ANXA7: variants seen among roughly 807,000 people sequenced by gnomAD.
The protein encoded by ANXA7 is annexin VII.
Under a neutral mutation model 64.9 loss-of-function variants are expected in ANXA7, and 55 were observed. The ratio of observed to expected loss-of-function variants is 0.85; its 90% CI spans 0.68 to 1.06. ANXA7 has a LOEUF of 1.06. Among genes scored for constraint, ANXA7 ranks in the 50% least tolerant of loss-of-function variants. The probability of loss-of-function intolerance (pLI) is 0.00; values close to 1 mark genes in which losing one functional copy is unlikely to be tolerated. For synonymous variants in ANXA7, 200 were observed against 192.4 expected, an observed-to-expected ratio of 1.04 and a Z score of -0.33; for missense variants, 548 against 582.1, an observed-to-expected ratio of 0.94 and a Z score of 0.60.
chr10:73,406,468 T>C (rs2055760172), intron 1 of ANXA7, among the ~76,000 whole-genome samples: 2 of 152,228 alleles, frequency 1.3e-5, no homozygotes, highest in Admixed American at 1.3e-4. Context: ...TTCAGCAAAT[T>C]GCTCTTCAGC....
intron 2 of ANXA7, among the ~76,000 whole-genome samples, chr10:73,399,027 A>C (rs2055619494): frequency 6.6e-6 from 1 of 152,196 alleles, no homozygotes; most frequent in Non-Finnish European, 1.5e-5. Context: ...GACAAAAGTG[A>C]GATACACCAC....
At chr10:73,411,064 T>C (rs2055830957) in intron 1 of ANXA7, among the ~76,000 whole-genome samples, 1 of 151,874 alleles carries the variant, frequency 6.6e-6, no homozygotes, top group Non-Finnish European at 1.5e-5. Flanking sequence ...ATCAACTGAG[T>C]GGATAAAGAA....
At chr10:73,377,767 G>GGGGTGGGGGT (rs2055199395) in intron 12 of ANXA7, among the ~76,000 whole-genome samples, 1 of 114,228 alleles carries the variant, frequency 8.8e-6, no homozygotes, top group African/African-American at 4.5e-5. Flanking sequence ...CCGGGGGGTG[G>GGGGTGGGGGT]GTGTGGGTGT....
intron 5 of ANXA7, among the ~76,000 whole-genome samples, chr10:73,392,929 A>G (rs2055509784): frequency 6.6e-6 from 1 of 152,228 alleles, no homozygotes; most frequent in South Asian, 2.1e-4. Context: ...TTTGCAGATG[A>G]CATGATTGTA....
intron 5 of ANXA7, among the ~76,000 whole-genome samples, chr10:73,390,974 A>G (rs953044740): frequency 3.3e-5 from 5 of 150,994 alleles, no homozygotes; most frequent in Non-Finnish European, 7.4e-5. Flanking sequence ...GATTGAGACC[A>G]TCCTGGCCAA....
chr10:73,396,186 C>T, intron 5 of ANXA7: 1 of 956,570 alleles, frequency 1.0e-6, no homozygotes, highest in Non-Finnish European at 1.6e-6. Flanking sequence ...TCAGAAATAC[C>T]AATCACCCAG....
At chr10:73,382,887 C>G (rs2055297412) in intron 9 of ANXA7, among the ~76,000 whole-genome samples, 1 of 152,140 alleles carries the variant, frequency 6.6e-6, no homozygotes, top group Non-Finnish European at 1.5e-5. Context: ...GTGATAAGCT[C>G]AAATGTACAG....
intron 9 of ANXA7, among the ~76,000 whole-genome samples, chr10:73,382,330 CTTCTTTTCTTTTT>C (rs963001555): frequency 6.8e-5 from 10 of 147,224 alleles, no homozygotes; most frequent in African/African-American, 1.6e-4. Flanking sequence ...TCTAAGTGTG[CTTCTTTTCTTTTT>C]TTCTTTTCTT....
chr10:73,376,157 T>C lies in ANXA7; in HGVS notation c.1339A>G (p.Met447Val), dbSNP rs182716602. The C allele has an allele frequency of 4.3e-5, 70 of 1,610,072 alleles. No homozygotes were observed. In the East Asian group the frequency reaches 9.2e-4, roughly 21 times the overall value. ...AQMYQKTLGTMIAGDTSGDYR... is the reference protein window; with the variant it reads ...AQMYQKTLGTVIAGDTSGDYR... ...TCTCCACTCGTGTCACCTGCAATCA[T>C]TGTGCCCAGAGTCTTCTGATACATC... The change falls in exon 13 of 13, where the codon ATG (methionine) becomes GTG (valine). Residue 447 changes from methionine to valine, a missense_variant. Transcript: ENST00000372921.
intron 5 of ANXA7, among the ~76,000 whole-genome samples, chr10:73,391,255 CAGA>C (rs2055478051): frequency 1.3e-5 from 2 of 151,366 alleles, no homozygotes; most frequent in South Asian, 4.2e-4. Flanking sequence ...AATCTGCTAC[CAGA>C]AGTTCCAACC....
intron 9 of ANXA7, chr10:73,381,545 C>T (rs1455059617): frequency 6.6e-6 from 1 of 152,192 alleles, no homozygotes; most frequent in Non-Finnish European, 1.5e-5. Context: ...GAGGCACATT[C>T]TACATGGGCG....
chr10:73,396,590 T>C lies in ANXA7; in HGVS notation c.371-7A>G. The C allele has an allele frequency of 6.3e-7, 1 of 1,590,824 alleles. No individual in the cohort carries two copies. Among genetic ancestry groups the C allele is most frequent in the Non-Finnish European group, 8.6e-7 (1 of 1,163,750 alleles). On this transcript the variant is annotated splice_region_variant and splice_polypyrimidine_tract_variant and intron_variant, in intron 4 of 12. Coordinates refer to ENST00000372921, the MANE Select transcript of ANXA7 (RefSeq NM_001156.5). ...TGTCCTCCAGGAAAGCCACCTATAATGTTAAAAAAAATAATAATAATACGG... is the reference window on the plus strand; with the variant it reads ...TGTCCTCCAGGAAAGCCACCTATAACGTTAAAAAAAATAATAATAATACGG...
chr10:73,390,240 A>C (rs964430993), intron 5 of ANXA7, among the ~76,000 whole-genome samples: 1 of 152,192 alleles, frequency 6.6e-6, no homozygotes, highest in Non-Finnish European at 1.5e-5. Flanking sequence ...ATACACATTG[A>C]ATACAGCAGT....
chr10:73,413,616 C>T (rs570141456), intron 1 of ANXA7, among the ~76,000 whole-genome samples: 35 of 152,352 alleles, frequency 2.3e-4, no homozygotes, highest in Middle Eastern at 3.4e-3. Flanking sequence ...TCCCTAAATT[C>T]GCTGTGTCAC....
rs1589642464 is a variant in ANXA7 at position 73,376,030 on chromosome 10, G to A, written c.*65C>T. On this transcript the variant is annotated 3_prime_UTR_variant, in exon 13 of 13. Coordinates refer to ENST00000372921, the MANE Select transcript of ANXA7 (RefSeq NM_001156.5). ...TGATGTTTGATATTGCTGCATGCAG[G>A]TCATTGCTCTGAAGGATAAGCTATG... The A allele has an allele frequency of 7.4e-7, 1 of 1,345,624 alleles. No homozygotes were observed. The allele number at this position is 1,345,624 out of a possible 1,614,324, so 83.4% of individuals were successfully genotyped here.
rs552465749 is a variant in ANXA7 at position 73,382,869 on chromosome 10, G to C, written c.918+306C>G. Among the ~76,000 whole-genome samples the C allele has an allele frequency of 4.9e-4, 75 of 152,220 alleles. 3 individuals are homozygous for C. The highest frequency in any genetic ancestry group is 1.0e-3 in the South Asian group (5 of 4,814). On this transcript the variant is annotated intron_variant, in intron 9 of 12. Transcript: ENST00000372921. Reference sequence around the variant, plus strand: ...TTCACTTGATGGTGGGGCATAATGGGCAGGATAGTGATAAGCTCAAATGTA... The same window carrying C: ...TTCACTTGATGGTGGGGCATAATGGCCAGGATAGTGATAAGCTCAAATGTA...
At position 73,396,555 on chromosome 10, in the gene ANXA7, A is replaced by T. The variant is rs138342190; in HGVS notation, c.399T>A (p.Ser133=). The T allele has an allele frequency of 6.2e-6, 10 of 1,611,608 alleles. No homozygotes were observed. Among genetic ancestry groups the T allele is most frequent in the Non-Finnish European group, 8.5e-6 (10 of 1,178,864 alleles). ...PGGFPGGQMP[S]QYPGGQPTYP... ...AAGTAGGTTGTCCTCCAGGATACTG[A>T]GAAGGCATCTGTCCTCCAGGAAAGC... Residue 133 remains serine (S), a synonymous_variant, in exon 5 of 13, where the codon TCT becomes TCA. Transcript: ENST00000372921.
Position 73,383,811 on chromosome 10 carries a change from GAATGTT to G in ANXA7, c.634-127_634-122del, listed in dbSNP as rs2055314500. On this transcript the variant is annotated intron_variant, in intron 7 of 12. Transcript: ENST00000372921. ...TTATAAAAACCTAAATTTGAAAGCT[GAATGTT>G]AATATACTAAGAAGTAAATAAAGGC... The G allele has an allele frequency of 5.7e-6, 4 of 704,118 alleles. No homozygotes were observed. In the Admixed American group the frequency reaches 1.0e-4, roughly 18 times the overall value. The allele number at this position is 704,118 out of a possible 1,614,324, so 43.6% of individuals were successfully genotyped here.
chr10:73,410,585 C>T (rs1039150820), intron 1 of ANXA7, among the ~76,000 whole-genome samples: 4 of 151,982 alleles, frequency 2.6e-5, no homozygotes, highest in Non-Finnish European at 5.9e-5. Flanking sequence ...GAGTTTGAAA[C>T]CAGCCTGACC....
Sources: allele counts gnomAD v4.1 joint callset (sites outside exome capture counted in the v4.1 genomes callset), GRCh38; gene constraint gnomAD v4.1.1; transcripts MANE v1.5; gene names NCBI Gene and HGNC (gene_info 2026-07-23, HGNC 2026-07-21).